PPEF1: variants seen among roughly 807,000 people sequenced by gnomAD.
PPEF1 encodes the protein protein phosphatase with EF-hand domain 1.
In PPEF1, 12 loss-of-function variants were observed where a neutral mutation model predicts 53.3. That is an observed-to-expected ratio of 0.23 (90% CI 0.14 to 0.36). The LOEUF is 0.36. Ranked by LOEUF, PPEF1 falls within the 10% of genes least tolerant of loss-of-function variation. The pLI, the probability that PPEF1 is intolerant of heterozygous loss-of-function variation, is 1.00. For synonymous variants in PPEF1, 165 were observed against 176.7 expected (o/e 0.93, Z 0.52); for missense variants, 334 against 490.4 (o/e 0.68, Z 3.01).
At chrX:18,782,244 T>C (rs2147595700) in intron 7 of PPEF1, 122 bp from the exon 8 acceptor site, 1 of 574,940 alleles carries the variant, frequency 1.7e-6, no homozygotes, top group East Asian at 3.5e-5. Context: ...CACTTCCAAC[T>C]GAACTCTGGT....
Position 18,708,968 on chromosome X carries a change from G to T in PPEF1, c.46+1142G>T, listed in dbSNP as rs748134124. Among the ~76,000 whole-genome samples, 10 of 105,818 alleles carry T rather than the reference G, an allele frequency of 9.5e-5. No individual in the cohort carries two copies. In the East Asian group the frequency reaches 2.9e-3, roughly 31 times the overall value. The allele number at this position is 105,818 out of a possible 115,157, so 91.9% of individuals were successfully genotyped here. A position where few individuals can be genotyped will look rare whatever the true frequency, so the allele number is the denominator to read the frequency against. ...AATTTCCTAGGTTAAAAAAAAAAAA[G>T]CCAAGTCCAACTTGTAAAAACAAAT... is the stretch of plus-strand genomic sequence containing the variant. On this transcript the variant is annotated intron_variant, in intron 1 of 15. Transcript: ENST00000470157.
chrX:18,753,017 AGTGAGTTAGGAATTGCT>A (rs754873770), intron 4 of PPEF1, among the ~76,000 whole-genome samples: 29 of 111,691 alleles, frequency 2.6e-4, no homozygotes, highest in Non-Finnish European at 4.7e-4. Flanking sequence ...GATCTCATAG[AGTGAGTTAGGAATTGCT>A]TCCTTTTATT....
intron 7 of PPEF1, among the ~76,000 whole-genome samples, chrX:18,781,277 G>A (rs902015121): frequency 1.8e-5 from 2 of 110,576 alleles, no homozygotes; most frequent in African/African-American, 6.6e-5. Context: ...CAGAAATGAA[G>A]TGTGGCCTGG....
chrX:18,783,067 G>A (rs1192539041), intron 8 of PPEF1, among the ~76,000 whole-genome samples: 4 of 102,282 alleles, frequency 3.9e-5, no homozygotes, highest in African/African-American at 7.2e-5. Context: ...AGCCGAGGTC[G>A]TGCCACTGCA....
At position 18,803,748 on chromosome X, in the gene PPEF1, C is replaced by T. The variant is rs773704427; in HGVS notation, c.1066-144C>T. On this transcript the variant is annotated intron_variant, in intron 10 of 15. Coordinates refer to ENST00000470157, the MANE Select transcript of PPEF1 (RefSeq NM_001377996.1). ...CTGGGATCACAGGCATGAGCCACCA[C>T]GCCAGGCCTGAAACAATTTTCAAGG... 7.8e-4 allele frequency: 458 copies of T among 583,859 alleles called. 4 individuals carry two copies. Among genetic ancestry groups the T allele is most frequent in the East Asian group, 2.3e-4 (6 of 25,708 alleles). 48.1% of individuals were successfully genotyped at this position (583,859 alleles called of 1,213,427 possible). A position where few individuals can be genotyped will look rare whatever the true frequency, so the allele number is the denominator to read the frequency against.
At chrX:18,790,998 A>G (rs992507620) in intron 10 of PPEF1, among the ~76,000 whole-genome samples, 1 of 111,247 alleles carries the variant, frequency 9.0e-6, no homozygotes, top group Admixed American at 9.6e-5. Context: ...AAAAGACTAT[A>G]CTTTCCTTGT....
At chrX:18,798,527 T>C (rs1460916239) in intron 10 of PPEF1, among the ~76,000 whole-genome samples, 1 of 111,524 alleles carries the variant, frequency 9.0e-6, no homozygotes, top group Admixed American at 9.6e-5. Context: ...CGTGACCTAC[T>C]TTAGTCAGCC....
At chrX:18,747,511 G>A (rs1423863364) in intron 3 of PPEF1, among the ~76,000 whole-genome samples, 2 of 112,323 alleles carry the variant, frequency 1.8e-5, no homozygotes, top group African/African-American at 6.5e-5. Context: ...GGGTCTTGCT[G>A]TGTTGCCTAG....
chrX:18,696,813 C>T (rs767713940), intron 4 of PPEF1, among the ~76,000 whole-genome samples: 2 of 111,360 alleles, frequency 1.8e-5, no homozygotes, highest in South Asian at 7.6e-4. Flanking sequence ...AGCTTCCCCC[C>T]TTTGGTGCTA....
intron 6 of PPEF1, among the ~76,000 whole-genome samples, chrX:18,769,855 G>A (rs1053989389): frequency 1.8e-5 from 2 of 112,111 alleles, no homozygotes; most frequent in Non-Finnish European, 3.8e-5. Context: ...TGTTTGATGT[G>A]CCTTCAGGAA....
chrX:18,690,937 A>C (rs183134021), intron 3 of PPEF1: 16 of 112,073 alleles, frequency 1.4e-4, no homozygotes, highest in African/African-American at 4.9e-4. Context: ...GAAGATTACA[A>C]ATGAGACTGG....
chrX:18,810,477 A>G (rs2046784257), intron 12 of PPEF1, among the ~76,000 whole-genome samples: 1 of 111,032 alleles, frequency 9.0e-6, no homozygotes, highest in South Asian at 3.8e-4. Context: ...ACTTTTGAAC[A>G]TTTTTGCCAT....
At chrX:18,804,996 C>CT (rs1214617761) in intron 11 of PPEF1, among the ~76,000 whole-genome samples, 2 of 106,797 alleles carry the variant, frequency 1.9e-5, no homozygotes, top group African/African-American at 3.4e-5. Context: ...TTTCTTTTTT[C>CT]TTTTTTTTGA....
chrX:18,714,269 G>GTTTTTTTTTTTTTTTTTTTTTTTT (rs752286222), intron 1 of PPEF1, among the ~76,000 whole-genome samples: 2 of 61,950 alleles, frequency 3.2e-5, no homozygotes, highest in South Asian at 8.0e-4. Flanking sequence ...TTTGTTTTTC[G>GTTTTTTTTTTTTTTTTTTTTTTTT]TTTTTTTGTT....
chrX:18,733,396 T>C (rs373210292), intron 2 of PPEF1, among the ~76,000 whole-genome samples: 86 of 111,341 alleles, frequency 7.7e-4, no homozygotes, highest in African/African-American at 2.7e-3. Context: ...AAGATGTACT[T>C]TTTGAAGTCT....
intron 11 of PPEF1, 30 bp from the exon 12 acceptor site, chrX:18,806,373 G>A (rs765854390): frequency 2.3e-5 from 27 of 1,181,505 alleles, no homozygotes; most frequent in South Asian, 3.8e-5. Context: ...CTAATGTTAC[G>A]TGAACCTGAC....
chrX:18,705,056 T>C (rs1328905903), upstream of PPEF1, among the ~76,000 whole-genome samples: 3 of 111,956 alleles, frequency 2.7e-5, no homozygotes, highest in East Asian at 8.4e-4. Context: ...GTTGCCAAAT[T>C]GATTTCCTTC....
intron 4 of PPEF1, among the ~76,000 whole-genome samples, chrX:18,695,006 C>A (rs963723017): frequency 8.9e-6 from 1 of 112,010 alleles, no homozygotes; most frequent in Non-Finnish European, 1.9e-5. Context: ...TGTTTATGAT[C>A]TTACAGTTTC....
chrX:18,704,201 C>T (rs746932467), upstream of PPEF1, among the ~76,000 whole-genome samples: 4 of 111,094 alleles, frequency 3.6e-5, no homozygotes, highest in East Asian at 2.8e-4. Context: ...GCTAGGATTA[C>T]GAATGAGAGC....
Sources: gnomAD v4.1 joint callset for allele counts (sites outside exome capture counted in the v4.1 genomes callset) on GRCh38, gnomAD v4.1.1 for gene constraint, MANE v1.5 for transcripts, NCBI Gene and HGNC (gene_info 2026-07-23, HGNC 2026-07-21) for gene names.